Variants in TAF8 observed in about 807,000 individuals in gnomAD.
TAF8 encodes TATA-box binding protein associated factor 8.
In TAF8, 47 loss-of-function variants were observed where a neutral mutation model predicts 36.5. The observed-to-expected ratio is 1.29, with a 90% confidence interval of 1.02 to 1.64. The LOEUF (loss-of-function observed/expected upper bound fraction) is 1.64. Ranked by LOEUF, TAF8 falls within the 40% of genes most tolerant of loss-of-function variation. The pLI is 0.00. For synonymous variants in TAF8, 175 were observed against 159.5 expected, an observed-to-expected ratio of 1.10 and a Z score of -0.73; for missense variants, 420 against 407.6, an observed-to-expected ratio of 1.03 and a Z score of -0.26.
At chr6:42,066,243 G>A in intron 5 of TAF8, 69 bp from the exon 6 acceptor site, 1 of 1,588,624 alleles carries the variant, frequency 6.3e-7, no homozygotes, top group East Asian at 2.2e-5. Context: ...GCAACAGCAA[G>A]CCAGGGAGCT....
At position 42,078,737 on chromosome 6, in the gene TAF8, C is replaced by T. The variant is rs577721493; in HGVS notation, c.*1192C>T. ...TGCTTGGGAACTGCCAAGTCTTACC[C>T]CTTCTGGAAGAAGAGGTTTTCTCTG... On this transcript the variant is annotated 3_prime_UTR_variant, in exon 9 of 9. Transcript: ENST00000372977. The T allele has an allele frequency of 3.0e-6, 3 of 985,404 alleles. No individual in the cohort carries two copies. Among genetic ancestry groups the T allele is most frequent in the East Asian group, 2.3e-4 (2 of 8,820 alleles). The allele number at this position is 985,404 out of a possible 1,614,324, so 61.0% of individuals were successfully genotyped here. A position where few individuals can be genotyped will look rare whatever the true frequency, so the allele number is the denominator to read the frequency against.
chr6:42,057,772 T>G lies in TAF8; in HGVS notation c.489+259T>G, dbSNP rs570895507. The G allele has an allele frequency of 8.0e-4, 237 of 297,204 alleles. 1 individual carries two copies. The South Asian group carries it at 0.016, about 20-fold the overall frequency. The allele number at this position is 297,204 out of a possible 1,614,324, so 18.4% of individuals were successfully genotyped here. A position where few individuals can be genotyped will look rare whatever the true frequency, so the allele number is the denominator to read the frequency against. On this transcript the variant is annotated intron_variant, in intron 5 of 8. Transcript: ENST00000372977. ...CTGTCTCATTTGAAAAATAAATAAA[T>G]AAAGAAAAAAAAAAGAATTCAGATT...
In TAF8 at chr6:42,080,218, T is replaced by C; in HGVS notation, c.*2673T>C. 1 of 985,536 alleles carries C rather than the reference T, an allele frequency of 1.0e-6. No homozygotes were observed. The highest frequency in any genetic ancestry group is 1.2e-6 in the Non-Finnish European group (1 of 830,010). 61.0% of individuals were successfully genotyped at this position (985,536 alleles called of 1,614,324 possible). ...TGTTCTCACTGCTCTTGGGAGGTGT[T>C]GTCCCAGTCAGTGTTTCTGCAGCTT... On this transcript the variant is annotated 3_prime_UTR_variant, in exon 9 of 9. Transcript: ENST00000372977.
chr6:42,068,558 A>T lies in TAF8; in HGVS notation c.731A>T (p.Glu244Val). The T allele has an allele frequency of 6.2e-7, 1 of 1,614,034 alleles. No individual in the cohort carries two copies. The highest frequency in any genetic ancestry group is 8.5e-7 in the Non-Finnish European group (1 of 1,180,028). Residue 244 changes from glutamate (E) to valine (V), a missense_variant, in exon 7 of 9, where the codon GAG becomes GTG. Glu to Val is a moderately radical substitution (Grantham distance 121). Transcript: ENST00000372977. ...MQQMEETDSS[E>V]QDEQTDTENL... Reference sequence around the variant, plus strand: ...CAAATGGAAGAGACAGATTCCTCGGAGCAGGATGAACAGACAGACACAGAG... The same window carrying T: ...CAAATGGAAGAGACAGATTCCTCGGTGCAGGATGAACAGACAGACACAGAG...
intron 5 of TAF8, among the ~76,000 whole-genome samples, chr6:42,061,587 T>A (rs1765191470): frequency 6.6e-6 from 1 of 152,234 alleles, no homozygotes; most frequent in Admixed American, 6.5e-5. Context: ...GCACACAATC[T>A]GTTAACATAA....
intron 7 of TAF8, among the ~76,000 whole-genome samples, chr6:42,075,644 A>G (rs750913978): frequency 4.6e-5 from 7 of 152,148 alleles, no homozygotes; most frequent in Non-Finnish European, 7.3e-5. Flanking sequence ...GTTGCAGAAC[A>G]GGAATCTCAA....
intron 3 of TAF8, 63 bp from the exon 4 acceptor site, chr6:42,055,889 C>T (rs1433033657): frequency 1.2e-5 from 13 of 1,128,230 alleles, no homozygotes. Flanking sequence ...CATACTACTA[C>T]TATTCTTTCT....
At position 42,077,113 on chromosome 6, in the gene TAF8, C is replaced by T; in HGVS notation, c.794C>T (p.Ala265Val). Reference sequence around the variant, plus strand: ...TTTTGCTCAAAGGAGGATTCTGGAGCCGAGAAGGAGAACACCTCTGTCCTG... The same window carrying T: ...TTTTGCTCAAAGGAGGATTCTGGAGTCGAGAAGGAGAACACCTCTGTCCTG... ...ALHISMEDSG[A>V]EKENTSVLQQ... The change falls in exon 8 of 9, where the codon GCC (alanine) becomes GTC (valine). Residue 265 changes from alanine (A) to valine (V), a missense_variant. Transcript: ENST00000372977. 1 of 1,612,590 alleles carries T rather than the reference C, an allele frequency of 6.2e-7. No homozygotes were observed. The highest frequency in any genetic ancestry group is 1.1e-5 in the South Asian group (1 of 90,900).
Position 42,077,605 on chromosome 6 carries a change from G to T in TAF8, c.*60G>T. The T allele has an allele frequency of 6.3e-7, 1 of 1,599,908 alleles. No homozygotes were observed. The highest frequency in any genetic ancestry group is 8.5e-7 in the Non-Finnish European group (1 of 1,173,018). The stretch of plus-strand genomic sequence containing the variant: ...GATTCCACCCTCCCGGGGAGTTAAA[G>T]CCACTCAAGGGAAGAAGAGGGTGAC... On this transcript the variant is annotated 3_prime_UTR_variant, in exon 9 of 9. Coordinates refer to ENST00000372977, the MANE Select transcript of TAF8 (RefSeq NM_138572.3).
At chr6:42,057,776 G>C in intron 5 of TAF8, 3 of 335,998 alleles carry the variant, frequency 8.9e-6, no homozygotes, top group East Asian at 4.7e-5. Flanking sequence ...AATAAATAAA[G>C]AAAAAAAAAA....
intron 1 of TAF8, chr6:42,050,810 G>A: frequency 1.1e-6 from 1 of 935,470 alleles, no homozygotes; most frequent in South Asian, 2.4e-5. Flanking sequence ...TGGGGGTTGG[G>A]AGCCCGGAAC....
At chr6:42,063,456 AT>A (rs1296248828) in intron 5 of TAF8, 1 of 152,236 alleles carries the variant, frequency 6.6e-6, no homozygotes, top group African/African-American at 2.4e-5. Context: ...TTATGTGAAT[AT>A]TATAATGTAA....
downstream of TAF8, among the ~76,000 whole-genome samples, chr6:42,086,512 C>T (rs1766030367): frequency 6.6e-6 from 1 of 152,180 alleles, no homozygotes; most frequent in Non-Finnish European, 1.5e-5. Flanking sequence ...GATTGTCCTC[C>T]AGGGGTGCAC....
At chr6:42,055,464 C>T in intron 2 of TAF8, 67 bp from the exon 3 acceptor site, 2 of 1,117,122 alleles carry the variant, frequency 1.8e-6, no homozygotes, top group South Asian at 2.5e-5. Context: ...GTTGGCTCAT[C>T]TGGTAATTCT....
At position 42,080,395 on chromosome 6, in the gene TAF8, G is replaced by A. The variant is rs976721237; in HGVS notation, c.*2850G>A. ...TTTCTTTTTTTTTTTTTTTTGAGAC[G>A]GCATCTCACTCTTATCGCCCAGGCT... On this transcript the variant is annotated 3_prime_UTR_variant, in exon 9 of 9. Transcript: ENST00000372977. 22 of 938,494 alleles carry A rather than the reference G, an allele frequency of 2.3e-5. No individual in the cohort carries two copies. The highest frequency in any genetic ancestry group is 5.3e-4 in the Middle Eastern group (1 of 1,870). The allele number at this position is 938,494 out of a possible 1,614,324, so 58.1% of individuals were successfully genotyped here.
At chr6:42,073,083 G>A (rs933317993) in intron 7 of TAF8, among the ~76,000 whole-genome samples, 35 of 152,200 alleles carry the variant, frequency 2.3e-4, no homozygotes, top group African/African-American at 8.4e-4. Flanking sequence ...CTCAAGGTCT[G>A]TTGTTAGGCA....
chr6:42,086,871 C>T, downstream of TAF8: 1 of 985,252 alleles, frequency 1.0e-6, no homozygotes, highest in Non-Finnish European at 1.6e-6. Context: ...CTTGCTGGTG[C>T]AGATGCTACC....
In TAF8 at chr6:42,080,185, A is replaced by G. The variant is rs1485280832; in HGVS notation, c.*2640A>G. 4.1e-6 allele frequency: 4 copies of G among 985,300 alleles called. No homozygotes were observed. The highest frequency in any genetic ancestry group is 3.6e-6 in the Non-Finnish European group (3 of 829,968). The allele number at this position is 985,300 out of a possible 1,614,324, so 61.0% of individuals were successfully genotyped here. A position where few individuals can be genotyped will look rare whatever the true frequency, so the allele number is the denominator to read the frequency against. On this transcript the variant is annotated 3_prime_UTR_variant, in exon 9 of 9. Coordinates refer to ENST00000372977, the MANE Select transcript of TAF8 (RefSeq NM_138572.3). Reference sequence around the variant, plus strand: ...CAGCCCCACATTCAAGCCGTGGCCAATCCCAGCTGTTCTCACTGCTCTTGG... The same window carrying G: ...CAGCCCCACATTCAAGCCGTGGCCAGTCCCAGCTGTTCTCACTGCTCTTGG...
chr6:42,087,338 G>A (rs1766045705), downstream of TAF8: 1 of 139,570 alleles, frequency 7.2e-6, no homozygotes. Context: ...TTTACATAGT[G>A]CTTACATTTA....
Sources: gnomAD v4.1 joint callset for allele counts (sites outside exome capture counted in the v4.1 genomes callset) on GRCh38, gnomAD v4.1.1 for gene constraint, MANE v1.5 for transcripts, NCBI Gene and HGNC (gene_info 2026-07-23, HGNC 2026-07-21) for gene names.